TRPC4AP: variants seen among roughly 807,000 people sequenced by gnomAD.
TRPC4AP encodes the protein short transient receptor potential channel 4-associated protein.
A neutral mutation model predicts 99.0 loss-of-function variants in TRPC4AP; 45 were observed. The observed-to-expected ratio is 0.45, with a 90% CI of 0.36 to 0.58. The LOEUF is 0.58. TRPC4AP is among the 20% of genes least tolerant of loss of function. The probability of loss-of-function intolerance (pLI) is 0.00; values close to 1 mark genes in which losing one functional copy is unlikely to be tolerated. For synonymous variants in TRPC4AP, 408 were observed against 385.8 expected, an observed-to-expected ratio of 1.06 and a Z score of -0.67; for missense variants, 879 against 985.3, an observed-to-expected ratio of 0.89 and a Z score of 1.44.
intron 7 of TRPC4AP, among the ~76,000 whole-genome samples, chr20:35,039,352 GAAAAGCTAAT>G (rs1337606665): frequency 6.6e-6 from 1 of 152,058 alleles, no homozygotes; most frequent in Non-Finnish European, 1.5e-5. Flanking sequence ...CTCACCTCTT[GAAAAGCTAAT>G]AAAAGCTAAG....
At chr20:35,042,201 G>T (rs1555909292) in intron 7 of TRPC4AP, among the ~76,000 whole-genome samples, 1 of 152,198 alleles carries the variant, frequency 6.6e-6, no homozygotes, top group Non-Finnish European at 1.5e-5. Context: ...GGAAGACCTT[G>T]TATCTAGTGA....
intron 11 of TRPC4AP, 25 bp downstream of exon 11, chr20:35,012,983 C>T (rs1357435793): frequency 4.3e-6 from 7 of 1,613,384 alleles, no homozygotes; most frequent in African/African-American, 1.3e-5. Context: ...AACAACTCTC[C>T]TTGCAGGGAC....
intron 2 of TRPC4AP, 52 bp from the exon 3 acceptor site, chr20:35,069,464 C>G: frequency 1.7e-6 from 2 of 1,151,036 alleles, no homozygotes; most frequent in Non-Finnish European, 2.6e-6. Context: ...CAACACAGAC[C>G]AGACACTAAA....
intron 3 of TRPC4AP, among the ~76,000 whole-genome samples, chr20:35,059,008 C>T (rs1316228143): frequency 1.3e-5 from 2 of 151,846 alleles, no homozygotes; most frequent in Non-Finnish European, 2.9e-5. Context: ...TGTTTCTAAT[C>T]GATAACCTAA....
rs1198639880 is a variant in TRPC4AP, at chr20:35,024,843, A to AC, written c.1052-3488_1052-3487insG. Among the ~76,000 whole-genome samples, 188 of 104,888 alleles carry AC rather than the reference A, an allele frequency of 1.8e-3. 7 individuals are homozygous for AC. The highest frequency in any genetic ancestry group is 5.3e-3 in the Middle Eastern group (1 of 188). 68.8% of individuals were successfully genotyped at this position (104,888 alleles called of 152,430 possible). ...ACCGTCTCAAAAAAAAAAAAAAAAA[A>AC]AAAAAAAAAAAATTCTGTTTATTCA... On this transcript the variant is annotated intron_variant, in intron 8 of 18. Coordinates refer to ENST00000252015, the MANE Select transcript of TRPC4AP (RefSeq NM_015638.3).
At chr20:35,057,209 G>T (rs553466767) in intron 4 of TRPC4AP, among the ~76,000 whole-genome samples, 80 of 152,038 alleles carry the variant, frequency 5.3e-4, no homozygotes, top group Non-Finnish European at 1.0e-3. Context: ...AAAACAGAGT[G>T]ATCTTACTCT....
chr20:35,014,382 A>G (rs1204033704), intron 10 of TRPC4AP, among the ~76,000 whole-genome samples: 1 of 134,202 alleles, frequency 7.5e-6, no homozygotes. Context: ...CAGTGGCGTG[A>G]TCTCAGCTCA....
intron 8 of TRPC4AP, among the ~76,000 whole-genome samples, chr20:35,021,658 C>T (rs188421722): frequency 6.6e-6 from 1 of 152,292 alleles, no homozygotes. Flanking sequence ...CTTCTCCTGC[C>T]ACCAACCAGA....
Position 35,004,717 on chromosome 20 carries a change from A to C in TRPC4AP, c.1937-147T>G, listed in dbSNP as rs1339502211. 3 of 663,978 alleles carry C rather than the reference A, an allele frequency of 4.5e-6. No homozygotes were observed. The African/African-American group carries it at 5.4e-5, about 12-fold the overall frequency. The allele number at this position is 663,978 out of a possible 1,614,324, so 41.1% of individuals were successfully genotyped here. On this transcript the variant is annotated intron_variant, in intron 16 of 18. Coordinates refer to ENST00000252015, the MANE Select transcript of TRPC4AP (RefSeq NM_015638.3). The stretch of plus-strand genomic sequence containing the variant: ...CTTCAACGAAAGCTGACTGTGGCAG[A>C]AAGAAGGACCTCCAGCTGTCCTGCT...
chr20:35,075,035 C>T (rs920777156), intron 2 of TRPC4AP, among the ~76,000 whole-genome samples: 4 of 151,524 alleles, frequency 2.6e-5, no homozygotes, highest in South Asian at 2.1e-4. Flanking sequence ...CTCTTTTGAT[C>T]TTTGTTGGTT....
At chr20:35,052,562 C>G (rs2083731152) in intron 5 of TRPC4AP, among the ~76,000 whole-genome samples, 1 of 152,122 alleles carries the variant, frequency 6.6e-6, no homozygotes, top group African/African-American at 2.4e-5. Context: ...GTGGTGCAAT[C>G]TCAGCTCACT....
chr20:35,061,139 A>G (rs1600621507), intron 3 of TRPC4AP, among the ~76,000 whole-genome samples: 2 of 152,244 alleles, frequency 1.3e-5, no homozygotes, highest in East Asian at 3.8e-4. Context: ...GCAAGAGTTC[A>G]GCAAGATTTC....
At chr20:35,063,754 G>A (rs1287568960) in intron 3 of TRPC4AP, among the ~76,000 whole-genome samples, 5 of 152,138 alleles carry the variant, frequency 3.3e-5, no homozygotes, top group East Asian at 1.9e-4. Context: ...CCAGCTACTC[G>A]GGAGACTGAG....
intron 8 of TRPC4AP, among the ~76,000 whole-genome samples, chr20:35,034,914 C>T (rs2083284502): frequency 1.3e-5 from 2 of 152,150 alleles, no homozygotes; most frequent in Non-Finnish European, 2.9e-5. Context: ...AAGCCCTTCT[C>T]CCTGAAATCA....
intron 7 of TRPC4AP, among the ~76,000 whole-genome samples, chr20:35,036,298 C>T (rs1411934003): frequency 1.3e-5 from 2 of 152,140 alleles, no homozygotes; most frequent in Non-Finnish European, 2.9e-5. Context: ...CAGTGGCTGC[C>T]ACAGTAAACA....
chr20:35,070,228 T>C (rs1336446946), intron 2 of TRPC4AP, among the ~76,000 whole-genome samples: 1 of 152,098 alleles, frequency 6.6e-6, no homozygotes, highest in Non-Finnish European at 1.5e-5. Flanking sequence ...TCTTGTTACT[T>C]CCGGCTGCTA....
chr20:35,038,253 G>A (rs1323937881), intron 7 of TRPC4AP, among the ~76,000 whole-genome samples: 1 of 140,932 alleles, frequency 7.1e-6, no homozygotes, highest in East Asian at 2.1e-4. Context: ...TAATTACACA[G>A]AAATAGATTT....
chr20:35,029,139 T>C (rs2083104666), intron 8 of TRPC4AP, among the ~76,000 whole-genome samples: 1 of 152,088 alleles, frequency 6.6e-6, no homozygotes, highest in Middle Eastern at 3.2e-3. Flanking sequence ...TAATCCCAAC[T>C]ACTTGGGAGG....
At chr20:35,083,273 C>A (rs1402865869) in intron 1 of TRPC4AP, among the ~76,000 whole-genome samples, 1 of 151,922 alleles carries the variant, frequency 6.6e-6, no homozygotes, top group Non-Finnish European at 1.5e-5. Context: ...ATAAATCTAA[C>A]AAAGTTATGC....
Sources: gnomAD v4.1 joint callset for allele counts (sites outside exome capture counted in the v4.1 genomes callset) on GRCh38, gnomAD v4.1.1 for gene constraint, MANE v1.5 for transcripts, NCBI Gene and HGNC (gene_info 2026-07-23, HGNC 2026-07-21) for gene names.